The following MRPL30 variants were observed in gnomAD, a reference collection of about 807,000 sequenced individuals.
The protein encoded by MRPL30 is large ribosomal subunit protein uL30m.
Under a neutral mutation model 17.2 loss-of-function variants are expected in MRPL30, and 10 were observed. The ratio of observed to expected loss-of-function variants is 0.58; its 90% CI spans 0.36 to 0.99. MRPL30 has a LOEUF of 0.99. Ranked by LOEUF, MRPL30 falls within the 50% of genes least tolerant of loss-of-function variation. MRPL30 has a pLI of 0.01. For missense variants in MRPL30, 170 were observed against 189.8 expected, an observed-to-expected ratio of 0.90 and a Z score of 0.61; for synonymous variants, 61 against 62.1, an observed-to-expected ratio of 0.98 and a Z score of 0.08.
chr2:99,185,191 T>A (rs192666460), intron 1 of MRPL30, among the ~76,000 whole-genome samples: 17 of 150,806 alleles, frequency 1.1e-4, no homozygotes, highest in African/African-American at 4.2e-4. Context: ...GTGAACAGTT[T>A]CATCCGGAAA....
intron 3 of MRPL30, among the ~76,000 whole-genome samples, chr2:99,194,431 TAGTC>T (rs1259428439): frequency 2.0e-5 from 3 of 152,204 alleles, no homozygotes; most frequent in African/African-American, 7.2e-5. Context: ...TCCCACTTGA[TAGTC>T]AGCTCTTCAC....
chr2:99,182,919 AC>A (rs2093927745), intron 1 of MRPL30, among the ~76,000 whole-genome samples: 1 of 152,210 alleles, frequency 6.6e-6, no homozygotes, highest in African/African-American at 2.4e-5. Flanking sequence ...ACAAAACCTA[AC>A]AGATAATTAA....
chr2:99,196,772 A>G lies in MRPL30; in HGVS notation c.*1067A>G, dbSNP rs1232833187. 6.6e-6 allele frequency: 1 copy of G among 152,364 alleles called. No individual in the cohort carries two copies. Among genetic ancestry groups the G allele is most frequent in the East Asian group, 1.9e-4 (1 of 5,194 alleles). The allele number at this position is 152,364 out of a possible 1,614,324, so 9.4% of individuals were successfully genotyped here. A position where few individuals can be genotyped will look rare whatever the true frequency, so the allele number is the denominator to read the frequency against. On this transcript the variant is annotated 3_prime_UTR_variant, in exon 6 of 6. Transcript: ENST00000338148. ...AGAGATTCAGCCAAAGTCAAGAAAC[A>G]CTGGATGCCAGCTAGATTATCTGTT...
intron 3 of MRPL30, among the ~76,000 whole-genome samples, chr2:99,192,865 A>G (rs1383611105): frequency 6.6e-6 from 1 of 152,224 alleles, no homozygotes; most frequent in Admixed American, 6.5e-5. Flanking sequence ...GTGCAAAACC[A>G]TAAAAACCTC....
chr2:99,185,956 A>AT (rs778525167), intron 1 of MRPL30, among the ~76,000 whole-genome samples: 2 of 152,240 alleles, frequency 1.3e-5, no homozygotes, highest in African/African-American at 2.4e-5. Flanking sequence ...GGACTGACTC[A>AT]TTTGATGAAA....
chr2:99,192,171 G>A (rs1037028712), intron 3 of MRPL30, among the ~76,000 whole-genome samples: 4 of 151,984 alleles, frequency 2.6e-5, no homozygotes, highest in African/African-American at 7.2e-5. Flanking sequence ...AGTAGAATAC[G>A]GAGTTCAATC....
intron 1 of MRPL30, 63 bp downstream of exon 1, chr2:99,181,312 T>C (rs1038058137): frequency 2.0e-5 from 5 of 254,854 alleles, no homozygotes; most frequent in Non-Finnish European, 7.7e-6. Context: ...GGGAACCCTC[T>C]GCAGATCCTA....
chr2:99,193,090 C>T (rs972999870), intron 3 of MRPL30, among the ~76,000 whole-genome samples: 1 of 152,086 alleles, frequency 6.6e-6, no homozygotes, highest in Non-Finnish European at 1.5e-5. Context: ...TGACAAAGGT[C>T]TAATATCCAG....
At chr2:99,182,712 A>C (rs923547752) in intron 1 of MRPL30, among the ~76,000 whole-genome samples, 8 of 152,258 alleles carry the variant, frequency 5.3e-5, no homozygotes, top group African/African-American at 1.4e-4. Flanking sequence ...ACTTTTGACT[A>C]TCACACCTTC....
Position 99,194,741 on chromosome 2 carries a change from T to C in MRPL30, c.133-10T>C. 2 of 1,567,014 alleles carry C rather than the reference T, an allele frequency of 1.3e-6. No individual in the cohort carries two copies. Among genetic ancestry groups the C allele is most frequent in the East Asian group, 2.3e-5 (1 of 42,850 alleles). ...TGGAAATTTACCATTTATAATTCTT[T>C]CCTTTCTAGGTGTTTCAGGCCTCAC... On this transcript the variant is annotated splice_polypyrimidine_tract_variant and intron_variant, in intron 3 of 5. Transcript: ENST00000338148.
At chr2:99,193,814 G>A (rs570443600) in intron 3 of MRPL30, among the ~76,000 whole-genome samples, 11 of 152,146 alleles carry the variant, frequency 7.2e-5, no homozygotes, top group South Asian at 6.2e-4. Context: ...CAAGGCGGGC[G>A]GATCACAAGG....
chr2:99,186,476 G>A (rs1000331959), intron 2 of MRPL30, among the ~76,000 whole-genome samples: 8 of 152,122 alleles, frequency 5.3e-5, no homozygotes, highest in African/African-American at 1.9e-4. Flanking sequence ...GGGACTACAG[G>A]TGTCTGCCAC....
chr2:99,185,252 T>C (rs2093932013), intron 1 of MRPL30, among the ~76,000 whole-genome samples: 1 of 152,218 alleles, frequency 6.6e-6, no homozygotes, highest in African/African-American at 2.4e-5. Context: ...TCCATGAAAC[T>C]GGTCCAGTGT....
chr2:99,186,207 G>C lies in MRPL30; in HGVS notation c.4G>C (p.Ala2Pro). The part of the protein sequence containing the change: M[A>P]GILRLVVQWP... ...AAAGAGAGCAATCACTACACTTATG[G>C]CTGGGATTTTGCGCTTAGTAGTTCA... The change falls in exon 2 of 6, where the codon GCT becomes CCT. Residue 2 changes from alanine to proline, a missense_variant. Ala to Pro is a conservative substitution (Grantham distance 27). Coordinates refer to ENST00000338148, the MANE Select transcript of MRPL30 (RefSeq NM_145212.4). The C allele has an allele frequency of 6.2e-7, 1 of 1,613,988 alleles. No homozygotes were observed. Among genetic ancestry groups the C allele is most frequent in the African/African-American group, 1.3e-5 (1 of 75,018 alleles).
Position 99,181,745 on chromosome 2 carries a change from T to C in MRPL30, c.-28+496T>C, listed in dbSNP as rs746646058. On this transcript the variant is annotated intron_variant, in intron 1 of 5. Transcript: ENST00000338148. ...ATTTGTTACCATTTTGATCGAGACC[T>C]ACCAAAAGCTGTTTGTTCTGCCCTT... is the stretch of plus-strand genomic sequence containing the variant. 5.7e-4 allele frequency among the ~76,000 whole-genome samples: 87 copies of C among 152,170 alleles called. 2 individuals are homozygous for C. Among genetic ancestry groups the C allele is most frequent in the Non-Finnish European group, 1.8e-4 (12 of 68,034 alleles).
At chr2:99,188,937 G>A (rs1478112929) in intron 3 of MRPL30, among the ~76,000 whole-genome samples, 1 of 152,210 alleles carries the variant, frequency 6.6e-6, no homozygotes, top group East Asian at 1.9e-4. Context: ...CTGATCTCAA[G>A]TGATCCACCC....
chr2:99,181,262 T>C lies in MRPL30; in HGVS notation c.-28+13T>C. The C allele has an allele frequency of 2.5e-6, 1 of 404,528 alleles. No individual in the cohort carries two copies. The highest frequency in any genetic ancestry group is 4.5e-6 in the Non-Finnish European group (1 of 221,878). 25.1% of individuals were successfully genotyped at this position (404,528 alleles called of 1,614,324 possible). ...TTAGCGGGTGCCGGTGAGTGGGGAA[T>C]GAGTGGCGGAGAGTGCGGCATTCTT... On this transcript the variant is annotated intron_variant, in intron 1 of 5. Coordinates refer to ENST00000338148, the MANE Select transcript of MRPL30 (RefSeq NM_145212.4).
chr2:99,181,619 A>T (rs62153760), intron 1 of MRPL30, among the ~76,000 whole-genome samples: 2 of 147,884 alleles, frequency 1.4e-5, no homozygotes, highest in East Asian at 2.0e-4. Flanking sequence ...TTTTTTTTTA[A>T]TGAAGACAGA....
Position 99,198,820 on chromosome 2 carries a change from A to G in MRPL30, c.*3115A>G, listed in dbSNP as rs2093959065. ...GCCTTCTTTCAGGAGGTTTTGCCTG[A>G]CATCTGGTGGTGACCGTGGCCACCA... On this transcript the variant is annotated 3_prime_UTR_variant, in exon 6 of 6. Coordinates refer to ENST00000338148, the MANE Select transcript of MRPL30 (RefSeq NM_145212.4). Among the ~76,000 whole-genome samples, 2 of 152,114 alleles carry G rather than the reference A, an allele frequency of 1.3e-5. No homozygotes were observed. Among genetic ancestry groups the G allele is most frequent in the African/African-American group, 4.8e-5 (2 of 41,406 alleles).
Sources: gnomAD v4.1 joint callset for allele counts (sites outside exome capture counted in the v4.1 genomes callset) on GRCh38, gnomAD v4.1.1 for gene constraint, MANE v1.5 for transcripts, NCBI Gene and HGNC (gene_info 2026-07-23, HGNC 2026-07-21) for gene names.